The following CDK13 variants were observed in gnomAD, a reference collection of about 807,000 sequenced individuals.
CDK13 encodes cyclin-dependent kinase 13.
A neutral mutation model predicts 137.6 loss-of-function variants in CDK13; 40 were observed. That is an observed-to-expected ratio of 0.29 (90% CI 0.23 to 0.38). The LOEUF (loss-of-function observed/expected upper bound fraction) is 0.38, where lower values mean the gene tolerates loss of function less well. Among genes scored for constraint, CDK13 ranks in the 10% least tolerant of loss-of-function variants. The probability of loss-of-function intolerance (pLI) is 1.00; values close to 1 mark genes in which losing one functional copy is unlikely to be tolerated. For synonymous variants in CDK13, 869 were observed against 760.1 expected (o/e 1.14, Z -2.36); for missense variants, 1,704 against 1,951.8 (o/e 0.87, Z 2.39).
rs1355350382 is a variant in CDK13 at position 40,078,730 on chromosome 7, G to C, written c.2908G>C (p.Ala970Pro). 4 of 1,503,096 alleles carry C rather than the reference G, an allele frequency of 2.7e-6. No homozygotes were observed. The highest frequency in any genetic ancestry group is 3.6e-6 in the Non-Finnish European group (4 of 1,122,516). 93.1% of individuals were successfully genotyped at this position (1,503,096 alleles called of 1,614,324 possible). ...LREEFVFIPA[A>P]ALDLFDYMLA... ...ATCCTCTCATGCTAGTATTCCTGCAGCTGCGCTAGACTTATTTGATTACAT... is the reference window on the plus strand; with the variant it reads ...ATCCTCTCATGCTAGTATTCCTGCACCTGCGCTAGACTTATTTGATTACAT... Residue 970 changes from alanine to proline, a missense_variant, in exon 11 of 14, where the codon GCT (alanine) becomes CCT (proline). Ala to Pro is a conservative substitution (Grantham distance 27). Around this residue, in one of 5 missense-constraint regions of CDK13, gnomAD observed 45 missense variants for 57.0 expected, o/e 0.79. Coordinates refer to ENST00000181839, the MANE Select transcript of CDK13 (RefSeq NM_003718.5).
chr7:40,072,139 C>T (rs1328004602), intron 9 of CDK13: 2 of 152,054 alleles, frequency 1.3e-5, no homozygotes, highest in African/African-American at 4.8e-5. Context: ...CAAGTACATT[C>T]TTTTTTTGAG....
chr7:39,974,444 T>G (rs1045995769), intron 1 of CDK13, among the ~76,000 whole-genome samples: 1 of 152,180 alleles, frequency 6.6e-6, no homozygotes, highest in Admixed American at 6.5e-5. Flanking sequence ...AGATTTTCCT[T>G]AATATTTTTT....
At chr7:39,977,372 C>T (rs1784133131) in intron 1 of CDK13, among the ~76,000 whole-genome samples, 1 of 152,186 alleles carries the variant, frequency 6.6e-6, no homozygotes, top group South Asian at 2.1e-4. Context: ...GCATCTACCA[C>T]TGCTAGGTTT....
At chr7:40,035,239 A>G (rs985841974) in intron 5 of CDK13, among the ~76,000 whole-genome samples, 2 of 152,198 alleles carry the variant, frequency 1.3e-5, no homozygotes, top group African/African-American at 2.4e-5. Context: ...CAATATAAAA[A>G]TGTTTTTAAA....
intron 5 of CDK13, among the ~76,000 whole-genome samples, chr7:40,034,824 C>A (rs1247818596): frequency 6.6e-6 from 1 of 152,064 alleles, no homozygotes; most frequent in Non-Finnish European, 1.5e-5. Context: ...CTCATCATTG[C>A]TTTGATTAGT....
chr7:40,021,112 T>TACACACACACACAC (rs1415262803), intron 5 of CDK13, among the ~76,000 whole-genome samples: 15 of 88,324 alleles, frequency 1.7e-4, no homozygotes, highest in African/African-American at 6.8e-4. Flanking sequence ...CGTATATATA[T>TACACACACACACAC]ATATATATAT....
intron 5 of CDK13, among the ~76,000 whole-genome samples, chr7:40,003,206 A>ACACACACTCTCTCTCT (rs374470130): frequency 1.3e-4 from 10 of 79,902 alleles, no homozygotes; most frequent in African/African-American, 4.7e-4. Context: ...ACACACACAC[A>ACACACACTCTCTCTCT]CTCTCTCTCT....
chr7:40,002,064 G>GTAT, intron 5 of CDK13, 33 bp downstream of exon 5: 1 of 1,502,762 alleles, frequency 6.7e-7, no homozygotes, highest in Non-Finnish European at 9.0e-7. Flanking sequence ...CGAATTTTTT[G>GTAT]TATTCATGAT....
chr7:40,069,276 CAA>C, intron 9 of CDK13: 2 of 445,526 alleles, frequency 4.5e-6, no homozygotes, highest in Non-Finnish European at 8.9e-6. Flanking sequence ...AAAGATGCTT[CAA>C]TTTTGATTTC....
intron 9 of CDK13, among the ~76,000 whole-genome samples, chr7:40,075,049 A>G (rs1786515331): frequency 1.3e-5 from 2 of 152,178 alleles, no homozygotes; most frequent in Admixed American, 6.5e-5. Flanking sequence ...AGTATTGATT[A>G]TAATTCATGT....
rs1001603699 is a variant in CDK13, at chr7:40,017,940, A to G, written c.2353+15909A>G. 2.7e-5 allele frequency among the ~76,000 whole-genome samples: 4 copies of G among 148,284 alleles called. No homozygotes were observed. The East Asian group carries it at 7.7e-4, about 29-fold the overall frequency. ...TTCCCACGTTCTTTTTTTTTTTTAA[A>G]TTCCCACATGTTCTGAGGATTCCTG... On this transcript the variant is annotated intron_variant, in intron 5 of 13. Transcript: ENST00000181839.
intron 5 of CDK13, among the ~76,000 whole-genome samples, chr7:40,024,162 G>A (rs1479391292): frequency 6.6e-6 from 1 of 152,112 alleles, no homozygotes; most frequent in Non-Finnish European, 1.5e-5. Flanking sequence ...GTACTTTGAC[G>A]TGTGTGTGTT....
chr7:39,986,146 G>A (rs2116256747), intron 1 of CDK13: 1 of 152,272 alleles, frequency 6.6e-6, no homozygotes, highest in South Asian at 2.1e-4. Context: ...TTGACTTCAG[G>A]TAACGTAATA....
chr7:40,098,826 T>G lies in CDK13; in HGVS notation c.*3846T>G, dbSNP rs1787092652. 1 of 152,068 alleles carries G rather than the reference T, an allele frequency of 6.6e-6. No homozygotes were observed. Among genetic ancestry groups the G allele is most frequent in the African/African-American group, 2.4e-5 (1 of 41,440 alleles). 9.4% of individuals were successfully genotyped at this position (152,068 alleles called of 1,614,324 possible). A position where few individuals can be genotyped will look rare whatever the true frequency, so the allele number is the denominator to read the frequency against. ...GACTAATGGTTTAACACAAGTGGCTTTAAAAAGTCTGCTTAAAAAACAATT... is the reference window on the plus strand; with the variant it reads ...GACTAATGGTTTAACACAAGTGGCTGTAAAAAGTCTGCTTAAAAAACAATT... On this transcript the variant is annotated 3_prime_UTR_variant, in exon 14 of 14. Coordinates refer to ENST00000181839, the MANE Select transcript of CDK13 (RefSeq NM_003718.5).
intron 5 of CDK13, among the ~76,000 whole-genome samples, chr7:40,017,219 G>A (rs1048945743): frequency 3.9e-5 from 6 of 151,916 alleles, no homozygotes; most frequent in South Asian, 2.1e-4. Flanking sequence ...TGAATATTTC[G>A]GTTATTGGTT....
chr7:40,064,957 A>ATTTTTTT (rs56710188), intron 9 of CDK13, among the ~76,000 whole-genome samples: 2 of 46,142 alleles, frequency 4.3e-5, no homozygotes, highest in Non-Finnish European at 4.0e-5. Context: ...ATGCTGGGTG[A>ATTTTTTT]TTTTTTTTTT....
Position 39,950,966 on chromosome 7 carries a change from C to T in CDK13, c.325C>T (p.Pro109Ser), listed in dbSNP as rs1787149678. Residue 109 changes from proline (P) to serine (S), a missense_variant, in exon 1 of 14, where the codon CCC becomes TCC. Transcript: ENST00000181839. ...AGGRQKRRRG[P>S]RAGQEAEKRR... ...AGGGCGGCAGAAGCGGCGTCGCGGG[C>T]CCCGCGCCGGGCAGGAGGCGGAGAA... 5.3e-6 allele frequency: 7 copies of T among 1,314,422 alleles called. No homozygotes were observed. The highest frequency in any genetic ancestry group is 3.1e-5 in the East Asian group (1 of 32,056). 81.4% of individuals were successfully genotyped at this position (1,314,422 alleles called of 1,614,324 possible). A position where few individuals can be genotyped will look rare whatever the true frequency, so the allele number is the denominator to read the frequency against.
chr7:40,036,977 T>C (rs184739866), intron 5 of CDK13, among the ~76,000 whole-genome samples: 1 of 152,340 alleles, frequency 6.6e-6, no homozygotes, highest in East Asian at 1.9e-4. Flanking sequence ...TCATATTAAT[T>C]AATATTTTAA....
chr7:39,992,209 T>A (rs1784478263), intron 2 of CDK13, among the ~76,000 whole-genome samples: 1 of 149,156 alleles, frequency 6.7e-6, no homozygotes, highest in Admixed American at 6.7e-5. Flanking sequence ...TGTATACACT[T>A]CTCCCCGAGA....
Sources: allele counts gnomAD v4.1 joint callset (sites outside exome capture counted in the v4.1 genomes callset), GRCh38; gene constraint gnomAD v4.1.1; regional missense constraint gnomAD v4.1.1; transcripts MANE v1.5; gene names NCBI Gene and HGNC (gene_info 2026-07-23, HGNC 2026-07-21).